Variants in TPTE observed in about 807,000 individuals in gnomAD.
The protein encoded by TPTE is putative tyrosine-protein phosphatase TPTE.
Under a neutral mutation model 84.1 loss-of-function variants are expected in TPTE, and 59 were observed. That is an observed-to-expected ratio of 0.70 (90% CI 0.57 to 0.87). The LOEUF (loss-of-function observed/expected upper bound fraction) is 0.87, where lower values mean the gene tolerates loss of function less well. TPTE is among the 40% of genes least tolerant of loss of function. The pLI, the probability that TPTE is intolerant of heterozygous loss-of-function variation, is 0.00. For synonymous variants in TPTE, 130 were observed against 223.5 expected, an observed-to-expected ratio of 0.58 and a Z score of 3.73; for missense variants, 382 against 659.6, an observed-to-expected ratio of 0.58 and a Z score of 4.61.
intron 21 of TPTE, among the ~76,000 whole-genome samples, chr21:10,599,271 T>C (rs1224014669): frequency 1.4e-4 from 22 of 152,354 alleles, no homozygotes; most frequent in African/African-American, 5.3e-4. Context: ...TTCCTTTCTG[T>C]TCTCACTGCC....
chr21:10,587,959 C>T (rs1210621471), intron 17 of TPTE, among the ~76,000 whole-genome samples: 6 of 152,308 alleles, frequency 3.9e-5, no homozygotes, highest in African/African-American at 1.2e-4. Context: ...AGCGATTCTC[C>T]TGCCTCAGCC....
At chr21:10,550,214 A>G (rs1301081396) in intron 7 of TPTE, among the ~76,000 whole-genome samples, 2 of 152,312 alleles carry the variant, frequency 1.3e-5, no homozygotes, top group African/African-American at 2.4e-5. Flanking sequence ...TCATGAAAAC[A>G]TGCAAAACCT....
intron 2 of TPTE, among the ~76,000 whole-genome samples, chr21:10,525,362 C>T (rs1379102514): frequency 4.6e-5 from 7 of 152,424 alleles, no homozygotes; most frequent in African/African-American, 1.7e-4. Context: ...AGAGACGACA[C>T]CCAAGGCTTG....
intron 3 of TPTE, among the ~76,000 whole-genome samples, chr21:10,535,789 T>C (rs567593510): frequency 3.9e-5 from 6 of 152,424 alleles, no homozygotes; most frequent in African/African-American, 1.2e-4. Flanking sequence ...CATGTGAGGC[T>C]GGTGCCCCAA....
At chr21:10,590,598 T>C in intron 18 of TPTE, 75 bp downstream of exon 18, 2 of 1,599,768 alleles carry the variant, frequency 1.3e-6, no homozygotes, top group Non-Finnish European at 1.7e-6. Flanking sequence ...TGGCAGGACA[T>C]TAAGATGATT....
At chr21:10,593,929 C>T (rs1177395068) in intron 19 of TPTE, among the ~76,000 whole-genome samples, 2 of 152,306 alleles carry the variant, frequency 1.3e-5, no homozygotes, top group African/African-American at 4.8e-5. Flanking sequence ...TTATCCACTG[C>T]TACTTTTCTC....
intron 20 of TPTE, among the ~76,000 whole-genome samples, chr21:10,596,298 C>T (rs1305238087): frequency 2.0e-5 from 3 of 152,306 alleles, no homozygotes; most frequent in Non-Finnish European, 2.9e-5. Flanking sequence ...TTTTTCTTTT[C>T]CATCACCAAT....
intron 1 of TPTE, among the ~76,000 whole-genome samples, chr21:10,523,632 A>G (rs1335394853): frequency 3.3e-5 from 5 of 152,290 alleles, no homozygotes; most frequent in African/African-American, 1.2e-4. Context: ...TGAACTCATC[A>G]TTTTTTATGG....
In TPTE at chr21:10,577,391, G is replaced by A; in HGVS notation, c.796-69G>A. The A allele has an allele frequency of 5.0e-6, 8 of 1,613,390 alleles. No homozygotes were observed. In the South Asian group the frequency reaches 8.8e-5, roughly 18 times the overall value. On this transcript the variant is annotated intron_variant, in intron 14 of 23. Coordinates refer to ENST00000618007, the MANE Select transcript of TPTE (RefSeq NM_199261.4). ...ATTAATAAAAGTAATAACCATTTTA[G>A]GTTCCCCCTAGGAAATAGCTTATGT...
chr21:10,600,784 G>C (rs553887954), intron 21 of TPTE, among the ~76,000 whole-genome samples: 39 of 152,360 alleles, frequency 2.6e-4, no homozygotes, highest in Non-Finnish European at 5.6e-4. Flanking sequence ...ATTTCTATGA[G>C]AATGAGTCAA....
At chr21:10,536,045 A>G (rs1192102871) in intron 3 of TPTE, among the ~76,000 whole-genome samples, 2 of 152,312 alleles carry the variant, frequency 1.3e-5, no homozygotes, top group African/African-American at 4.8e-5. Flanking sequence ...TGGGAGGCCA[A>G]GACAGCTAGA....
At chr21:10,584,651 C>G (rs1300358699) in intron 17 of TPTE, among the ~76,000 whole-genome samples, 1 of 152,302 alleles carries the variant, frequency 6.6e-6, no homozygotes, top group Non-Finnish European at 1.5e-5. Context: ...AGCCTAAACT[C>G]ACTTATTAGT....
chr21:10,553,203 G>GT (rs1458853216), intron 8 of TPTE, among the ~76,000 whole-genome samples: 14 of 152,304 alleles, frequency 9.2e-5, no homozygotes, highest in Admixed American at 7.8e-4. Context: ...AGTACTTCCT[G>GT]TTGCACTGAC....
chr21:10,568,468 CTT>C (rs112452013), intron 11 of TPTE, among the ~76,000 whole-genome samples: 1 of 150,566 alleles, frequency 6.6e-6, no homozygotes, highest in Non-Finnish European at 1.5e-5. Context: ...CCTGGTGACT[CTT>C]TTTTTACTGT....
chr21:10,584,877 CGA>C (rs1479176294), intron 17 of TPTE, among the ~76,000 whole-genome samples: 37 of 146,986 alleles, frequency 2.5e-4, no homozygotes, highest in Non-Finnish European at 8.9e-5. Context: ...AAATGCTTTA[CGA>C]GTGTGTGTGT....
chr21:10,562,218 CA>C (rs1568975379), intron 10 of TPTE, among the ~76,000 whole-genome samples: 1 of 152,312 alleles, frequency 6.6e-6, no homozygotes, highest in African/African-American at 2.4e-5. Context: ...GATTAGATCA[CA>C]GTATCCAAGT....
At chr21:10,572,416 C>CACT (rs2075063107) in intron 14 of TPTE, among the ~76,000 whole-genome samples, 1 of 146,410 alleles carries the variant, frequency 6.8e-6, no homozygotes, top group Admixed American at 7.0e-5. Flanking sequence ...CATACCACTG[C>CACT]ACTACTGCCT....
At chr21:10,556,579 A>C (rs1214849006) in intron 8 of TPTE, among the ~76,000 whole-genome samples, 2 of 152,312 alleles carry the variant, frequency 1.3e-5, no homozygotes, top group Non-Finnish European at 2.9e-5. Context: ...GGCTGGGTCA[A>C]ATGGTGTTTC....
At chr21:10,530,024 T>C (rs1002147707) in intron 3 of TPTE, among the ~76,000 whole-genome samples, 1 of 152,310 alleles carries the variant, frequency 6.6e-6, no homozygotes, top group African/African-American at 2.4e-5. Context: ...TTATAAATTC[T>C]TACATTATTT....
Sources: gnomAD v4.1 joint callset for allele counts (sites outside exome capture counted in the v4.1 genomes callset) on GRCh38, gnomAD v4.1.1 for gene constraint, MANE v1.5 for transcripts, NCBI Gene and HGNC (gene_info 2026-07-23, HGNC 2026-07-21) for gene names.